The following SPDYA variants were observed in gnomAD, a reference collection of about 807,000 sequenced individuals.
SPDYA encodes the protein speedy protein A.
A neutral mutation model predicts 36.7 loss-of-function variants in SPDYA; 11 were observed. That is an observed-to-expected ratio of 0.30 (90% CI 0.19 to 0.50). The LOEUF is 0.50. SPDYA is among the 20% of genes least tolerant of loss of function. SPDYA has a pLI of 0.98. For synonymous variants in SPDYA, 115 were observed against 118.7 expected (o/e 0.97, Z 0.20); for missense variants, 287 against 370.9 (o/e 0.77, Z 1.86).
intron 7 of SPDYA, among the ~76,000 whole-genome samples, chr2:28,843,535 A>G (rs764192850): frequency 4.8e-5 from 7 of 145,104 alleles, no homozygotes; most frequent in Non-Finnish European, 1.1e-4. Context: ...GTGCAAAAAG[A>G]GCAAAACTTC....
At chr2:28,819,838 A>T (rs1572491777) in intron 4 of SPDYA, among the ~76,000 whole-genome samples, 1 of 49,600 alleles carries the variant, frequency 2.0e-5, no homozygotes. Flanking sequence ...AAAAAAAAAA[A>T]AAAAAAAAAA....
Position 28,822,310 on chromosome 2 carries a change from CT to C in SPDYA, c.295-9del. The C allele has an allele frequency of 7.4e-7, 1 of 1,357,912 alleles. No individual in the cohort carries two copies. The highest frequency in any genetic ancestry group is 1.0e-6 in the Non-Finnish European group (1 of 996,984). 84.1% of individuals were successfully genotyped at this position (1,357,912 alleles called of 1,614,324 possible). On this transcript the variant is annotated splice_polypyrimidine_tract_variant and intron_variant, in intron 4 of 7. Transcript: ENST00000334056. ...GCAAAACATTAATATTAATTTTTAA[CT>C]TTTTTCCTTATAGTATCTTTTGGCT...
At position 28,840,372 on chromosome 2, in the gene SPDYA, T is replaced by C. The variant is rs1373641014; in HGVS notation, c.753T>C (p.His251=). 3 of 1,611,472 alleles carry C rather than the reference T, an allele frequency of 1.9e-6. No individual in the cohort carries two copies. The highest frequency in any genetic ancestry group is 2.7e-5 in the African/African-American group (2 of 74,822). ...CTTCATCATCATCTTTATCCAGTCA[T>C]ACAGCAGGGGTGACAGAAAAACATT... ...GLSSSSSLSS[H]TAGVTEKHSQ... Residue 251 remains histidine (H), a synonymous_variant, in exon 7 of 8, where the codon CAT becomes CAC. Coordinates refer to ENST00000334056, the MANE Select transcript of SPDYA (RefSeq NM_182756.4).
At chr2:28,837,668 T>G (rs1668639876) in intron 6 of SPDYA, among the ~76,000 whole-genome samples, 2 of 151,906 alleles carry the variant, frequency 1.3e-5, no homozygotes, top group African/African-American at 4.8e-5. Context: ...GTTAAGTGAC[T>G]TCTTCAAAGA....
chr2:28,848,770 T>G (rs376724007), intron 7 of SPDYA, among the ~76,000 whole-genome samples: 5 of 152,248 alleles, frequency 3.3e-5, no homozygotes, highest in African/African-American at 9.6e-5. Flanking sequence ...AGGCCGGGCA[T>G]GGTGGCTCCA....
chr2:28,827,004 T>C (rs1668344524), intron 5 of SPDYA, among the ~76,000 whole-genome samples: 1 of 147,600 alleles, frequency 6.8e-6, no homozygotes, highest in African/African-American at 2.5e-5. Flanking sequence ...CAAGCTGGAG[T>C]GCTCGGCTCA....
At chr2:28,848,564 A>C (rs552715356) in intron 7 of SPDYA, among the ~76,000 whole-genome samples, 1 of 152,228 alleles carries the variant, frequency 6.6e-6, no homozygotes, top group South Asian at 2.1e-4. Context: ...CTGTGTGATT[A>C]ATGTCAAGCT....
intron 7 of SPDYA, among the ~76,000 whole-genome samples, chr2:28,844,661 C>T (rs1201929343): frequency 1.3e-5 from 2 of 152,062 alleles, no homozygotes; most frequent in African/African-American, 2.4e-5. Flanking sequence ...TTGCTGGGCG[C>T]GGTGGCTCAC....
chr2:28,827,400 A>G (rs1668356251), intron 5 of SPDYA, among the ~76,000 whole-genome samples: 5 of 152,144 alleles, frequency 3.3e-5, no homozygotes, highest in Admixed American at 2.6e-4. Flanking sequence ...TTCTTTTTCA[A>G]ATATACTTTT....
intron 6 of SPDYA, among the ~76,000 whole-genome samples, chr2:28,831,496 A>AT (rs1187739964): frequency 6.6e-6 from 1 of 152,256 alleles, no homozygotes; most frequent in African/African-American, 2.4e-5. Flanking sequence ...ATTTAAAAAA[A>AT]TTAATGGAAC....
rs967045994 is a variant in SPDYA at position 28,811,008 on chromosome 2, C to G, written c.-93+61C>G. 8 of 152,272 alleles carry G rather than the reference C, an allele frequency of 5.3e-5. No homozygotes were observed. Among genetic ancestry groups the G allele is most frequent in the Admixed American group, 1.3e-4 (2 of 15,290 alleles). The allele number at this position is 152,272 out of a possible 1,614,324, so 9.4% of individuals were successfully genotyped here. A position where few individuals can be genotyped will look rare whatever the true frequency, so the allele number is the denominator to read the frequency against. On this transcript the variant is annotated intron_variant, in intron 1 of 7. Transcript: ENST00000334056. This position sits in a 1 kb window ranked among gnomAD's most constrained non-coding sequence, Gnocchi z 4.2. ...GCGAATCTCCAGTTTCGAGTGTGCC[C>G]GGTCCCTGGGTTCGCTCGCCGGCGA...
intron 2 of SPDYA, among the ~76,000 whole-genome samples, chr2:28,815,412 G>A (rs1284922959): frequency 1.3e-5 from 2 of 151,610 alleles, no homozygotes; most frequent in Non-Finnish European, 2.9e-5. Flanking sequence ...TACATTTTTT[G>A]CTAGAATTGC....
At chr2:28,821,293 G>A (rs1220534833) in intron 4 of SPDYA, among the ~76,000 whole-genome samples, 3 of 145,972 alleles carry the variant, frequency 2.1e-5, no homozygotes, top group Non-Finnish European at 4.5e-5. Context: ...TCCGCCTCCC[G>A]GGTTCAAGCA....
chr2:28,846,343 G>A (rs1668874384), intron 7 of SPDYA, among the ~76,000 whole-genome samples: 1 of 152,174 alleles, frequency 6.6e-6, no homozygotes, highest in Non-Finnish European at 1.5e-5. Flanking sequence ...GGGAGGTGGA[G>A]GTTGCAGTGA....
intron 1 of SPDYA, among the ~76,000 whole-genome samples, chr2:28,814,034 C>T (rs1157413776): frequency 6.6e-6 from 1 of 152,166 alleles, no homozygotes; most frequent in Admixed American, 6.5e-5. Context: ...ACATAATTGC[C>T]TTCAATTTGG....
Position 28,840,470 on chromosome 2 carries a change from G to A in SPDYA, c.850+1G>A. 6.2e-7 allele frequency: 1 copy of A among 1,612,844 alleles called. No homozygotes were observed. Among genetic ancestry groups the A allele is most frequent in the Non-Finnish European group, 8.5e-7 (1 of 1,179,648 alleles). On this transcript the variant is annotated splice_donor_variant, in intron 7 of 7. Coordinates refer to ENST00000334056, the MANE Select transcript of SPDYA (RefSeq NM_182756.4). LOFTEE classifies it high-confidence loss of function. ...TCTCAAGCTTATACTGGTTCTGAAG[G>A]TATGATTTAGTAATATGCCAGAATT...
chr2:28,814,384 C>T (rs150068040), intron 1 of SPDYA, among the ~76,000 whole-genome samples: 40 of 152,106 alleles, frequency 2.6e-4, no homozygotes, highest in African/African-American at 7.7e-4. Context: ...GAGGAAAATA[C>T]GCAGCAGATT....
chr2:28,834,978 CTTAT>C (rs1668559108), intron 6 of SPDYA, among the ~76,000 whole-genome samples: 1 of 152,180 alleles, frequency 6.6e-6, no homozygotes, highest in South Asian at 2.1e-4. Flanking sequence ...CTGCTTTTTA[CTTAT>C]TTATCTTGTT....
intron 5 of SPDYA, 138 bp from the exon 6 acceptor site, chr2:28,829,010 A>AT (rs1668407867): frequency 1.5e-6 from 1 of 655,418 alleles, no homozygotes; most frequent in African/African-American, 1.8e-5. Context: ...ATGTATCTCT[A>AT]TTTTTGAACT....
Sources: gnomAD v4.1 joint callset for allele counts (sites outside exome capture counted in the v4.1 genomes callset) on GRCh38, gnomAD v4.1.1 for gene constraint, Gnocchi (gnomAD v3.1) non-coding constraint, MANE v1.5 for transcripts, NCBI Gene and HGNC (gene_info 2026-07-23, HGNC 2026-07-21) for gene names.